The following TSPAN4 variants were observed in gnomAD, a reference collection of about 807,000 sequenced individuals.
The protein encoded by TSPAN4 is tetraspanin-4.
A neutral mutation model predicts 31.5 loss-of-function variants in TSPAN4; 38 were observed. That is an observed-to-expected ratio of 1.21 (90% confidence interval 0.93 to 1.58). TSPAN4 has a LOEUF of 1.58. TSPAN4 is among the 40% of genes most tolerant of loss of function. The pLI is 0.00. For synonymous variants in TSPAN4, 186 were observed against 144.6 expected, an observed-to-expected ratio of 1.29 and a Z score of -2.06; for missense variants, 330 against 317.3, an observed-to-expected ratio of 1.04 and a Z score of -0.30.
intron 3 of TSPAN4, among the ~76,000 whole-genome samples, chr11:850,755 GCCT>G (rs1480746990): frequency 6.6e-6 from 1 of 152,204 alleles, no homozygotes; most frequent in Non-Finnish European, 1.5e-5. Context: ...GGGCCCCGGT[GCCT>G]CCTCTGCGCC....
intron 4 of TSPAN4, 189 bp downstream of exon 4, chr11:862,930 G>GGT: frequency 1.6e-6 from 1 of 627,038 alleles, no homozygotes. Flanking sequence ...CTGGGGCTGG[G>GGT]GGGTGATTTG....
chr11:849,769 G>T, intron 2 of TSPAN4: 1 of 149,362 alleles, frequency 6.7e-6, no homozygotes, highest in South Asian at 1.8e-4. Context: ...GTCCGCGCGG[G>T]GGCGGAGCCG....
intron 3 of TSPAN4, among the ~76,000 whole-genome samples, chr11:853,363 G>A (rs1490675177): frequency 1.3e-5 from 2 of 152,164 alleles, no homozygotes; most frequent in Non-Finnish European, 2.9e-5. Context: ...TTGGGTCCAG[G>A]CCTGAGCCCC....
intron 5 of TSPAN4, chr11:864,820 G>A (rs1054473010): frequency 2.4e-5 from 12 of 507,168 alleles, no homozygotes; most frequent in Non-Finnish European, 3.6e-5. Context: ...TCCGGGCCGC[G>A]CACCGTGGGG....
At position 862,667 on chromosome 11, in the gene TSPAN4, G is replaced by A. The variant is rs114423748; in HGVS notation, c.181G>A (p.Gly61Ser). 262 of 1,613,282 alleles carry A rather than the reference G, an allele frequency of 1.6e-4. No homozygotes were observed. The African/African-American group carries it at 1.9e-3, about 12-fold the overall frequency. The stretch of plus-strand genomic sequence containing the variant: ...GGCTGCCAACTTGCTCATCATCACC[G>A]GCGCCTTTGTCATGGCCATCGGCTT... ...LSAANLLIITGAFVMAIGFVG... is the reference protein window; with the variant it reads ...LSAANLLIITSAFVMAIGFVG... The change falls in exon 4 of 9, where the codon GGC becomes AGC. Residue 61 changes from glycine (G) to serine (S), a missense_variant. By Grantham distance (56) the Gly-to-Ser change is moderately conservative. Coordinates refer to ENST00000397397, the MANE Select transcript of TSPAN4 (RefSeq NM_003271.5).
At position 866,828 on chromosome 11, in the gene TSPAN4, T is replaced by C. The variant is rs1187648866; in HGVS notation, c.*198T>C. 1 of 558,094 alleles carries C rather than the reference T, an allele frequency of 1.8e-6. No individual in the cohort carries two copies. The highest frequency in any genetic ancestry group is 3.1e-6 in the Non-Finnish European group (1 of 323,088). 34.6% of individuals were successfully genotyped at this position (558,094 alleles called of 1,614,324 possible). A position where few individuals can be genotyped will look rare whatever the true frequency, so the allele number is the denominator to read the frequency against. On this transcript the variant is annotated 3_prime_UTR_variant, in exon 9 of 9. Coordinates refer to ENST00000397397, the MANE Select transcript of TSPAN4 (RefSeq NM_003271.5). Reference sequence around the variant, plus strand: ...GGCTTCAGGGCCTCCGGACCCCCCCTGGGAGGGGTGGCCACGTGCTGGCTG... The same window carrying C: ...GGCTTCAGGGCCTCCGGACCCCCCCCGGGAGGGGTGGCCACGTGCTGGCTG...
At chr11:852,587 C>G (rs1336304901) in intron 3 of TSPAN4, among the ~76,000 whole-genome samples, 1 of 152,136 alleles carries the variant, frequency 6.6e-6, no homozygotes, top group Non-Finnish European at 1.5e-5. Context: ...AGAGTCTGTC[C>G]CGGGCTGATG....
intron 3 of TSPAN4, among the ~76,000 whole-genome samples, chr11:850,610 C>CCCTCTCCTCTCCTCTCCTCT (rs147749431): frequency 6.6e-6 from 1 of 152,030 alleles, no homozygotes; most frequent in South Asian, 2.1e-4. Context: ...CGCCCTGGTC[C>CCCTCTCCTCTCCTCTCCTCT]CCTCTCCTCT....
At chr11:861,494 C>T (rs558518255) in intron 3 of TSPAN4, among the ~76,000 whole-genome samples, 6 of 152,124 alleles carry the variant, frequency 3.9e-5, no homozygotes, top group South Asian at 2.1e-4. Context: ...GGGTGGATCA[C>T]GAGGTTGGGA....
At chr11:855,080 C>G (rs1210752437) in intron 3 of TSPAN4, among the ~76,000 whole-genome samples, 2 of 152,186 alleles carry the variant, frequency 1.3e-5, no homozygotes, top group Non-Finnish European at 2.9e-5. Flanking sequence ...CCAGGCAGCT[C>G]TGGTGCTGTT....
chr11:865,935 G>T lies in TSPAN4; in HGVS notation c.582G>T (p.Val194=). ...TWWKAPCYET[V]KVWLQENLLA... Reference sequence around the variant, plus strand: ...CCCTGCAGCCGTGCTACGAGACGGTGAAGGTGTGGCTTCAGGAGAACCTGC... The same window carrying T: ...CCCTGCAGCCGTGCTACGAGACGGTTAAGGTGTGGCTTCAGGAGAACCTGC... Residue 194 remains valine (V), a synonymous_variant, in exon 8 of 9, where the codon GTG becomes GTT. Transcript: ENST00000397397. The T allele has an allele frequency of 3.1e-6, 5 of 1,613,118 alleles. No homozygotes were observed. The highest frequency in any genetic ancestry group is 4.2e-6 in the Non-Finnish European group (5 of 1,179,990).
intron 2 of TSPAN4, 143 bp from the exon 3 acceptor site, chr11:850,145 C>CGCGGGCG: frequency 3.3e-6 from 2 of 614,122 alleles, no homozygotes; most frequent in Non-Finnish European, 5.5e-6. Context: ...TATACGGGCG[C>CGCGGGCG]GCGGGCGGCG....
intron 3 of TSPAN4, chr11:858,350 C>G (rs549857629): frequency 6.6e-6 from 1 of 152,486 alleles, no homozygotes; most frequent in African/African-American, 2.4e-5. Context: ...CTGGCAGACC[C>G]CTGCCCACCC....
chr11:862,844 ACCACCTCTGGGGCCG>A, intron 4 of TSPAN4, 103 bp downstream of exon 4: 1 of 1,260,040 alleles, frequency 7.9e-7, no homozygotes, highest in South Asian at 1.6e-5. Context: ...AGACGTGGGC[ACCACCTCTGGGGCCG>A]GACCTCCAGG....
chr11:850,556 C>T (rs1368162826), intron 3 of TSPAN4, among the ~76,000 whole-genome samples, 189 bp downstream of exon 3: 1 of 152,224 alleles, frequency 6.6e-6, no homozygotes, highest in Non-Finnish European at 1.5e-5. Flanking sequence ...GGAAGGTTTG[C>T]ACCATCGCGG....
Position 864,157 on chromosome 11 carries a change from C to G in TSPAN4, c.256-280C>G, listed in dbSNP as rs923861123. On this transcript the variant is annotated intron_variant, in intron 4 of 8. Coordinates refer to ENST00000397397, the MANE Select transcript of TSPAN4 (RefSeq NM_003271.5). The stretch of plus-strand genomic sequence containing the variant: ...GGGATTTGTGCCCACTTGGGGGTGT[C>G]TGGGTTGCCCCAGGGATGGGGGCAG... 5 of 535,764 alleles carry G rather than the reference C, an allele frequency of 9.3e-6. No homozygotes were observed. In the African/African-American group the frequency reaches 9.5e-5, roughly 10 times the overall value. The allele number at this position is 535,764 out of a possible 1,614,324, so 33.2% of individuals were successfully genotyped here.
In TSPAN4 at chr11:862,565, G is replaced by C. The variant is rs753173481; in HGVS notation, c.79G>C (p.Val27Leu). The stretch of plus-strand genomic sequence containing the variant: ...TGTGCCCCAGCTGGGAGGCTGTGGC[G>C]TGCTGGGTGTCGGCATCTGGCTGGC... ...NLLFWLGGCGVLGVGIWLAAT... is the reference protein window; with the variant it reads ...NLLFWLGGCGLLGVGIWLAAT... The change falls in exon 4 of 9, where the codon GTG (valine) becomes CTG (leucine). Residue 27 changes from valine to leucine, a missense_variant. Physicochemically the swap from Val to Leu is conservative, Grantham distance 32. Transcript: ENST00000397397. 1.2e-5 allele frequency: 20 copies of C among 1,608,910 alleles called. No homozygotes were observed. The Admixed American group carries it at 2.3e-4, about 19-fold the overall frequency.
At chr11:859,103 CGG>C (rs1848255820) in intron 3 of TSPAN4, among the ~76,000 whole-genome samples, 3 of 137,952 alleles carry the variant, frequency 2.2e-5, no homozygotes, top group Admixed American at 1.4e-4. Context: ...CACGCACCCC[CGG>C]GCTCACACGT....
rs995911896 is a variant in TSPAN4 at position 866,686 on chromosome 11, C to A, written c.*56C>A. ...GACGCCCACGGGGAGATGGCCGCAC[C>A]CACAGCTGCCTTTCCCACCACCAGC... On this transcript the variant is annotated 3_prime_UTR_variant, in exon 9 of 9. Coordinates refer to ENST00000397397, the MANE Select transcript of TSPAN4 (RefSeq NM_003271.5). The A allele has an allele frequency of 2.6e-4, 392 of 1,511,676 alleles. No homozygotes were observed. The highest frequency in any genetic ancestry group is 2.8e-4 in the Non-Finnish European group (315 of 1,109,368). 93.6% of individuals were successfully genotyped at this position (1,511,676 alleles called of 1,614,324 possible).
Sources: allele counts gnomAD v4.1 joint callset (sites outside exome capture counted in the v4.1 genomes callset), GRCh38; gene constraint gnomAD v4.1.1; transcripts MANE v1.5; gene names NCBI Gene and HGNC (gene_info 2026-07-23, HGNC 2026-07-21).